MARCHF1: variants seen among roughly 807,000 people sequenced by gnomAD.
The protein encoded by MARCHF1 is membrane associated ring-CH-type finger 1.
In MARCHF1, 40 loss-of-function variants were observed where a neutral mutation model predicts 54.2. The observed-to-expected ratio is 0.74, with a 90% confidence interval of 0.57 to 0.96. The LOEUF is 0.96. MARCHF1 is among the 40% of genes least tolerant of loss of function. MARCHF1 has a pLI of 0.00. For synonymous variants in MARCHF1, 236 were observed against 236.3 expected (o/e 1.00, Z 0.01); for missense variants, 586 against 656.5 (o/e 0.89, Z 1.17).
At chr4:164,119,670 A>G (rs1756022138) in intron 1 of MARCHF1, among the ~76,000 whole-genome samples, 1 of 150,828 alleles carries the variant, frequency 6.6e-6, no homozygotes, top group Non-Finnish European at 1.5e-5. Context: ...TAACTTTTGA[A>G]TAGTTGAAAC....
chr4:163,913,747 A>G (rs1309736988), intron 3 of MARCHF1, among the ~76,000 whole-genome samples: 1 of 152,190 alleles, frequency 6.6e-6, no homozygotes, highest in Non-Finnish European at 1.5e-5. Context: ...TGCTTTCTGG[A>G]CACTGGTACT....
chr4:164,314,933 C>T (rs552782350), intron 1 of MARCHF1, among the ~76,000 whole-genome samples: 60 of 152,202 alleles, frequency 3.9e-4, no homozygotes, highest in African/African-American at 1.3e-3. Flanking sequence ...TGATTACGTT[C>T]GCTAAAAACT....
chr4:163,620,922 G>A (rs1032490627), intron 5 of MARCHF1, among the ~76,000 whole-genome samples: 9 of 152,144 alleles, frequency 5.9e-5, no homozygotes, highest in Non-Finnish European at 7.4e-5. Context: ...CTTTGGTCAC[G>A]TTGATGATGT....
At chr4:163,800,887 C>T (rs1748064578) in intron 4 of MARCHF1, among the ~76,000 whole-genome samples, 2 of 151,980 alleles carry the variant, frequency 1.3e-5, no homozygotes, top group South Asian at 4.1e-4. Flanking sequence ...AGGACAAGGC[C>T]AACTCTTACA....
intron 1 of MARCHF1, among the ~76,000 whole-genome samples, chr4:164,337,114 G>A (rs1729761450): frequency 6.6e-6 from 1 of 152,094 alleles, no homozygotes; most frequent in South Asian, 2.1e-4. Context: ...AAGTTTTGGA[G>A]TACTTGATAC....
intron 1 of MARCHF1, among the ~76,000 whole-genome samples, chr4:164,370,909 AAAAT>A (rs1469294059): frequency 2.0e-5 from 3 of 152,108 alleles, no homozygotes; most frequent in Admixed American, 6.5e-5. Flanking sequence ...CTCCATCTCA[AAAAT>A]AAATAAATAA....
intron 1 of MARCHF1, among the ~76,000 whole-genome samples, chr4:164,377,770 T>G (rs1428883115): frequency 2.0e-5 from 3 of 152,174 alleles, no homozygotes; most frequent in Non-Finnish European, 2.9e-5. Flanking sequence ...ACCTCAAAAT[T>G]TAAAAAACAG....
chr4:164,312,291 T>C (rs1288947346), intron 1 of MARCHF1, among the ~76,000 whole-genome samples: 1 of 151,288 alleles, frequency 6.6e-6, no homozygotes, highest in African/African-American at 2.4e-5. Flanking sequence ...TAAAAGCAAA[T>C]GAAGCACCTG....
At chr4:163,661,026 T>C (rs908206130) in intron 5 of MARCHF1, among the ~76,000 whole-genome samples, 1 of 152,052 alleles carries the variant, frequency 6.6e-6, no homozygotes, top group African/African-American at 2.4e-5. Context: ...ATCTTGGTTG[T>C]ATTATCACTA....
chr4:164,215,844 TCAA>T (rs1731916620), intron 1 of MARCHF1, among the ~76,000 whole-genome samples: 1 of 152,114 alleles, frequency 6.6e-6, no homozygotes, highest in African/African-American at 2.4e-5. Flanking sequence ...CTTTTCTATA[TCAA>T]CAACAGTAAA....
intron 2 of MARCHF1, among the ~76,000 whole-genome samples, chr4:163,999,125 T>C (rs1269606493): frequency 6.6e-6 from 1 of 151,700 alleles, no homozygotes; most frequent in Admixed American, 6.6e-5. Context: ...TCCTTCATCT[T>C]TTTGGTAATT....
At chr4:163,633,942 C>A (rs1345540162) in intron 5 of MARCHF1, among the ~76,000 whole-genome samples, 2 of 152,138 alleles carry the variant, frequency 1.3e-5, no homozygotes, top group East Asian at 3.8e-4. Context: ...GGCCAATATT[C>A]AACATTCTTA....
rs534853036 is a variant in MARCHF1 at position 164,189,473 on chromosome 4, G to A, written c.-322-77811C>T. 100 of 711,830 alleles carry A rather than the reference G, an allele frequency of 1.4e-4. No homozygotes were observed. The Middle Eastern group carries it at 1.5e-3, about 11-fold the overall frequency. The allele number at this position is 711,830 out of a possible 1,614,324, so 44.1% of individuals were successfully genotyped here. On this transcript the variant is annotated intron_variant, in intron 1 of 9. Transcript: ENST00000514618. ...GATGTTGTTCTTGGTGGCTCTACTC[G>A]AATTCCAAAGATTCAGCAACTGGTT...
intron 2 of MARCHF1, among the ~76,000 whole-genome samples, chr4:164,109,932 A>AAAAAAAAAAAAAT: frequency 1.3e-5 from 2 of 150,044 alleles, no homozygotes; most frequent in African/African-American, 4.9e-5. Context: ...AAAAAAAAAA[A>AAAAAAAAAAAAAT]AAAAGAAAAT....
At position 164,269,067 on chromosome 4, in the gene MARCHF1, G is replaced by A. The variant is rs142725585; in HGVS notation, c.-323+114803C>T. On this transcript the variant is annotated intron_variant, in intron 1 of 9. Coordinates refer to ENST00000514618, the MANE Select transcript of MARCHF1 (RefSeq NM_001394959.1). ...TTTAATTTTCTTTCTTTGCACTATT[G>A]TTAGGTAACTTTAATGTGCAGATTA... 5.0e-3 allele frequency among the ~76,000 whole-genome samples: 756 copies of A among 152,102 alleles called. 5 individuals are homozygous for A. The highest frequency in any genetic ancestry group is 0.017 in the African/African-American group (699 of 41,472).
intron 1 of MARCHF1, among the ~76,000 whole-genome samples, chr4:164,212,601 G>C (rs889847214): frequency 6.6e-6 from 1 of 152,084 alleles, no homozygotes; most frequent in Non-Finnish European, 1.5e-5. Flanking sequence ...AAAAATATAT[G>C]TATGTATATG....
chr4:164,329,283 T>G (rs977325565), intron 1 of MARCHF1, among the ~76,000 whole-genome samples: 1 of 152,166 alleles, frequency 6.6e-6, no homozygotes, highest in Non-Finnish European at 1.5e-5. Flanking sequence ...CATAACCCTC[T>G]TCTGCTTAAA....
At chr4:163,993,231 T>C (rs1012044325) in intron 2 of MARCHF1, among the ~76,000 whole-genome samples, 3 of 152,122 alleles carry the variant, frequency 2.0e-5, no homozygotes, top group Non-Finnish European at 4.4e-5. Context: ...CATTTCTGGT[T>C]ATGTGTTTAT....
At chr4:163,630,805 A>C (rs978974051) in intron 5 of MARCHF1, among the ~76,000 whole-genome samples, 5 of 152,088 alleles carry the variant, frequency 3.3e-5, no homozygotes, top group African/African-American at 1.2e-4. Context: ...AATGAAGAGA[A>C]AGATGAATAC....
Sources: gnomAD v4.1 joint callset for allele counts (sites outside exome capture counted in the v4.1 genomes callset) on GRCh38, gnomAD v4.1.1 for gene constraint, MANE v1.5 for transcripts, NCBI Gene and HGNC (gene_info 2026-07-23, HGNC 2026-07-21) for gene names.